SNX2: variants seen among roughly 807,000 people sequenced by gnomAD.
SNX2 encodes sorting nexin 2.
A neutral mutation model predicts 69.9 loss-of-function variants in SNX2; 25 were observed. That is an observed-to-expected ratio of 0.36 (90% confidence interval 0.26 to 0.50). The LOEUF is 0.50. SNX2 is among the 20% of genes least tolerant of loss of function. The pLI is 0.97. For missense variants in SNX2, 551 were observed against 613.3 expected (o/e 0.90, Z 1.07); for synonymous variants, 229 against 200.4 (o/e 1.14, Z -1.20).
intron 2 of SNX2, among the ~76,000 whole-genome samples, chr5:122,798,076 T>G (rs554824968): frequency 1.8e-4 from 27 of 152,344 alleles, no homozygotes; most frequent in Non-Finnish European, 3.1e-4. Context: ...AGTGCCTCTT[T>G]CAGATTCTGG....
intron 4 of SNX2, 62 bp from the exon 5 acceptor site, chr5:122,802,019 T>G: frequency 6.6e-7 from 1 of 1,522,732 alleles, no homozygotes; most frequent in Non-Finnish European, 9.1e-7. Flanking sequence ...ATCAATATAG[T>G]ATTAAATGAG....
rs1250264160 is a variant in SNX2 at position 122,831,342 on chromosome 5, A to C, written c.*1694A>C. Among the ~76,000 whole-genome samples the C allele has an allele frequency of 2.6e-5, 4 of 151,814 alleles. No homozygotes were observed. The highest frequency in any genetic ancestry group is 7.3e-5 in the African/African-American group (3 of 41,334). ...CTTGATGGGCCAGGCACAGTGACTC[A>C]CATGCCTGTAGTCCCAGCTTCTTGG... On this transcript the variant is annotated 3_prime_UTR_variant, in exon 15 of 15. Transcript: ENST00000379516.
In SNX2 at chr5:122,832,316, T is replaced by TA. The variant is rs1754309841; in HGVS notation, c.*2669dup. 1 of 152,322 alleles carries TA rather than the reference T, an allele frequency of 6.6e-6. No individual in the cohort carries two copies. The highest frequency in any genetic ancestry group is 6.5e-5 in the Admixed American group (1 of 15,310). 9.4% of individuals were successfully genotyped at this position (152,322 alleles called of 1,614,324 possible). A position where few individuals can be genotyped will look rare whatever the true frequency, so the allele number is the denominator to read the frequency against. On this transcript the variant is annotated 3_prime_UTR_variant, in exon 15 of 15. Transcript: ENST00000379516. ...CCTGAAGTGCCTTTCTACTTTAAAATATTTTGTTTAAAATATCAAACTTCA... is the reference window on the plus strand; with the variant it reads ...CCTGAAGTGCCTTTCTACTTTAAAATAATTTTGTTTAAAATATCAAACTTCA...
At chr5:122,810,164 G>A (rs552914603) in intron 7 of SNX2, among the ~76,000 whole-genome samples, 1 of 150,550 alleles carries the variant, frequency 6.6e-6, no homozygotes, top group South Asian at 2.1e-4. Flanking sequence ...GATTAAGGGC[G>A]GTGCAAGATG....
intron 2 of SNX2, among the ~76,000 whole-genome samples, chr5:122,795,802 A>C (rs1753363825): frequency 6.6e-6 from 1 of 152,126 alleles, no homozygotes; most frequent in Admixed American, 6.5e-5. Flanking sequence ...TTGCTGTACT[A>C]TTTACCATCT....
chr5:122,776,432 T>A (rs1464369335), intron 1 of SNX2, among the ~76,000 whole-genome samples: 1 of 152,130 alleles, frequency 6.6e-6, no homozygotes, highest in East Asian at 1.9e-4. Context: ...ACATGTGTAT[T>A]TATTAGGTTG....
In SNX2 at chr5:122,819,173, C is replaced by T. The variant is rs1581644774; in HGVS notation, c.1212+150C>T. ...ATAAGTATACATAACTTAATACTTT[C>T]TTCCCTATGACTTGCACAGTACAAT... On this transcript the variant is annotated intron_variant, in intron 11 of 14. Transcript: ENST00000379516. The T allele has an allele frequency of 8.1e-6, 5 of 618,796 alleles. No individual in the cohort carries two copies. The East Asian group carries it at 1.4e-4, about 17-fold the overall frequency. The allele number at this position is 618,796 out of a possible 1,614,324, so 38.3% of individuals were successfully genotyped here.
rs1158830702 is a variant in SNX2, at chr5:122,832,311, T to G, written c.*2663T>G. The G allele has an allele frequency of 1.3e-5, 2 of 152,338 alleles. No homozygotes were observed. Among genetic ancestry groups the G allele is most frequent in the African/African-American group, 4.8e-5 (2 of 41,584 alleles). The allele number at this position is 152,338 out of a possible 1,614,324, so 9.4% of individuals were successfully genotyped here. A position where few individuals can be genotyped will look rare whatever the true frequency, so the allele number is the denominator to read the frequency against. ...TGATTCCTGAAGTGCCTTTCTACTT[T>G]AAAATATTTTGTTTAAAATATCAAA... On this transcript the variant is annotated 3_prime_UTR_variant, in exon 15 of 15. Coordinates refer to ENST00000379516, the MANE Select transcript of SNX2 (RefSeq NM_003100.4).
At chr5:122,806,861 A>G (rs575057224) in intron 6 of SNX2, among the ~76,000 whole-genome samples, 18 of 152,316 alleles carry the variant, frequency 1.2e-4, no homozygotes, top group Admixed American at 7.2e-4. Flanking sequence ...TAAAACATTA[A>G]TAGGTGATTA....
chr5:122,827,448 G>C lies in SNX2; in HGVS notation c.1426G>C (p.Gly476Arg). ...ATCTAAAACGATTCGAAAAGAAGTG[G>C]GAAGATTTGAGGCATGTATAATAAT... ...QISKTIRKEV[G>R]RFEKERVKDF... The change falls in exon 13 of 15, where the codon GGA (glycine) becomes CGA (arginine). Residue 476 changes from glycine to arginine, a missense_variant. Gly to Arg is a moderately radical substitution (Grantham distance 125). This residue lies in a region of SNX2 where 360 missense variants were observed against 450.4 expected (regional missense o/e 0.80). Coordinates refer to ENST00000379516, the MANE Select transcript of SNX2 (RefSeq NM_003100.4). 1 of 1,613,306 alleles carries C rather than the reference G, an allele frequency of 6.2e-7. No homozygotes were observed. The highest frequency in any genetic ancestry group is 8.5e-7 in the Non-Finnish European group (1 of 1,179,496).
intron 10 of SNX2, among the ~76,000 whole-genome samples, chr5:122,818,308 G>A (rs953746716): frequency 2.4e-4 from 37 of 151,962 alleles, no homozygotes; most frequent in Non-Finnish European, 1.8e-4. Context: ...TGAGATTGTT[G>A]TACAACAAAG....
chr5:122,796,080 A>G (rs1016573890), intron 2 of SNX2, among the ~76,000 whole-genome samples: 9 of 152,230 alleles, frequency 5.9e-5, no homozygotes, highest in African/African-American at 2.2e-4. Context: ...AAAACTTAAT[A>G]TGGATGGATT....
rs200130772 is a variant in SNX2, at chr5:122,817,366, T to C, written c.999T>C (p.His333=). 2.5e-6 allele frequency: 4 copies of C among 1,612,988 alleles called. No individual in the cohort carries two copies. The highest frequency in any genetic ancestry group is 2.2e-5 in the East Asian group (1 of 44,836). ...LHVSVEALVC[H]RKELSANTAA... The stretch of plus-strand genomic sequence containing the variant: ...TCAGTGTTGAAGCCTTGGTCTGTCA[T>C]AGAAAAGGTTTGTTTGCCTTACTAC... The change falls in exon 10 of 15, where the codon CAT becomes CAC. Residue 333 remains histidine (H), a synonymous_variant. Transcript: ENST00000379516.
At chr5:122,820,492 C>T (rs1195428194) in intron 11 of SNX2, among the ~76,000 whole-genome samples, 3 of 151,726 alleles carry the variant, frequency 2.0e-5, no homozygotes, top group African/African-American at 7.3e-5. Context: ...GCTGGGATTG[C>T]GCAACTGCAC....
chr5:122,824,439 A>G (rs1754109283), intron 11 of SNX2, among the ~76,000 whole-genome samples: 1 of 152,162 alleles, frequency 6.6e-6, no homozygotes, highest in Admixed American at 6.5e-5. Flanking sequence ...GTTTTAGGAA[A>G]AACGTGGTAT....
intron 7 of SNX2, among the ~76,000 whole-genome samples, chr5:122,813,568 C>T (rs1199017506): frequency 2.6e-5 from 4 of 151,916 alleles, no homozygotes; most frequent in Non-Finnish European, 5.9e-5. Context: ...GTTCTCACAA[C>T]ACTTAATAAA....
chr5:122,797,290 A>G (rs947985475), intron 2 of SNX2, among the ~76,000 whole-genome samples: 5 of 152,228 alleles, frequency 3.3e-5, no homozygotes, highest in African/African-American at 4.8e-5. Context: ...TGAATCAAAT[A>G]TGGTGAATAT....
At chr5:122,805,520 T>C (rs1343839589) in intron 6 of SNX2, among the ~76,000 whole-genome samples, 3 of 152,140 alleles carry the variant, frequency 2.0e-5, no homozygotes, top group African/African-American at 7.2e-5. Context: ...CAGAACCTAA[T>C]GTATTTAGAT....
chr5:122,825,465 T>C (rs1754130583), intron 11 of SNX2, among the ~76,000 whole-genome samples: 1 of 152,084 alleles, frequency 6.6e-6, no homozygotes, highest in South Asian at 2.1e-4. Context: ...AGTTCTGCAG[T>C]GTATATATAA....
Sources: gnomAD v4.1 joint callset for allele counts (sites outside exome capture counted in the v4.1 genomes callset) on GRCh38, gnomAD v4.1.1 for gene constraint, gnomAD v4.1.1 regional missense constraint, MANE v1.5 for transcripts, NCBI Gene and HGNC (gene_info 2026-07-23, HGNC 2026-07-21) for gene names.